Variants in TAFA1 observed in about 807,000 individuals in gnomAD.
TAFA1 encodes the protein chemokine-like protein TAFA-1.
In TAFA1, 4 loss-of-function variants were observed where a neutral mutation model predicts 18.5. That is an observed-to-expected ratio of 0.22 (90% CI 0.11 to 0.49). The LOEUF is 0.49. TAFA1 is among the 20% of genes least tolerant of loss of function. TAFA1 has a pLI of 0.98. For synonymous variants in TAFA1, 56 were observed against 55.2 expected, an observed-to-expected ratio of 1.01 and a Z score of -0.06; for missense variants, 147 against 169.0, an observed-to-expected ratio of 0.87 and a Z score of 0.72.
At chr3:68,214,246 T>A (rs1048628942) in intron 2 of TAFA1, among the ~76,000 whole-genome samples, 6 of 152,122 alleles carry the variant, frequency 3.9e-5, no homozygotes, top group Non-Finnish European at 8.8e-5. Context: ...ATCATAGAAT[T>A]CAGGCATTTC....
At chr3:68,074,640 A>G (rs975940581) in intron 2 of TAFA1, among the ~76,000 whole-genome samples, 2 of 152,184 alleles carry the variant, frequency 1.3e-5, no homozygotes, top group African/African-American at 4.8e-5. Flanking sequence ...TTGATTATTT[A>G]CCTCCATTTT....
chr3:68,062,529 CA>C (rs1158052477), intron 2 of TAFA1, among the ~76,000 whole-genome samples: 2 of 152,188 alleles, frequency 1.3e-5, no homozygotes, highest in East Asian at 3.9e-4. Context: ...ATGAATGAAA[CA>C]AAAAGCAGGT....
intron 2 of TAFA1, among the ~76,000 whole-genome samples, chr3:68,014,776 C>T (rs557851036): frequency 1.3e-5 from 2 of 152,236 alleles, no homozygotes; most frequent in East Asian, 3.9e-4. Flanking sequence ...GCAAAGCAAA[C>T]ACCATCATGG....
At chr3:68,086,971 C>T (rs767576689) in intron 2 of TAFA1, among the ~76,000 whole-genome samples, 1 of 152,208 alleles carries the variant, frequency 6.6e-6, no homozygotes, top group Non-Finnish European at 1.5e-5. Flanking sequence ...TTCAACAAGA[C>T]ACCCTGCAAA....
intron 2 of TAFA1, among the ~76,000 whole-genome samples, chr3:68,213,454 G>A (rs978057288): frequency 6.6e-6 from 1 of 152,060 alleles, no homozygotes; most frequent in African/African-American, 2.4e-5. Flanking sequence ...TTGGCTGTAT[G>A]TAGTTAAGAG....
chr3:68,432,004 A>G (rs2071184243), intron 3 of TAFA1, among the ~76,000 whole-genome samples: 1 of 151,972 alleles, frequency 6.6e-6, no homozygotes, highest in Admixed American at 6.6e-5. Context: ...TTTCTCATAC[A>G]ATGTCTGGAA....
chr3:68,434,714 G>A (rs1222056123), intron 3 of TAFA1, among the ~76,000 whole-genome samples: 1 of 152,006 alleles, frequency 6.6e-6, no homozygotes, highest in African/African-American at 2.4e-5. Flanking sequence ...ACTACAAATG[G>A]CTTTTCCAGC....
intron 2 of TAFA1, among the ~76,000 whole-genome samples, chr3:68,241,279 C>A (rs927601293): frequency 6.6e-6 from 1 of 152,058 alleles, no homozygotes; most frequent in Admixed American, 6.6e-5. Flanking sequence ...GTCTCTATTG[C>A]AGATTTAAAT....
rs148079255 is a variant in TAFA1 at position 68,402,142 on chromosome 3, G to C, written c.119-15138G>C. ...TAGCTCTGCAGTTTGAAATTAGTGA[G>C]CATGAGATTTCCAGAGAGGAGGATT... On this transcript the variant is annotated intron_variant, in intron 2 of 4. Transcript: ENST00000478136. Among the ~76,000 whole-genome samples, 363 of 152,246 alleles carry C rather than the reference G, an allele frequency of 2.4e-3. 3 individuals carry two copies. Among genetic ancestry groups the C allele is most frequent in the African/African-American group, 7.7e-3 (321 of 41,550 alleles).
chr3:67,999,076 A>G, the TAFA1 span, among the ~76,000 whole-genome samples: 6,986 of 152,256 alleles, frequency 0.046, 253 homozygotes, highest in East Asian at 0.1. Flanking sequence ...GTGCTGTCCA[A>G]TACAGTAGCT....
intron 2 of TAFA1, among the ~76,000 whole-genome samples, chr3:68,057,285 T>C (rs907590027): frequency 2.0e-5 from 3 of 152,204 alleles, no homozygotes; most frequent in Admixed American, 6.5e-5. Context: ...CCGAATCTCA[T>C]CACTTGAAAC....
chr3:68,528,506 C>G (rs569292281), intron 3 of TAFA1, among the ~76,000 whole-genome samples: 1 of 152,216 alleles, frequency 6.6e-6, no homozygotes, highest in Admixed American at 6.5e-5. Flanking sequence ...TTCCTGTTTG[C>G]TTTGATAAAG....
chr3:68,267,117 C>T (rs1329461453), intron 2 of TAFA1, among the ~76,000 whole-genome samples: 4 of 152,264 alleles, frequency 2.6e-5, no homozygotes, highest in Admixed American at 2.6e-4. Flanking sequence ...CAAGTTTATT[C>T]CGACTCATTT....
chr3:68,443,246 C>T (rs1473068787), intron 3 of TAFA1, among the ~76,000 whole-genome samples: 3 of 152,042 alleles, frequency 2.0e-5, no homozygotes, highest in African/African-American at 4.8e-5. Context: ...CTAAGAAGCA[C>T]AAGCACAGAA....
intron 3 of TAFA1, among the ~76,000 whole-genome samples, chr3:68,424,240 AC>A (rs527699400): frequency 2.6e-5 from 4 of 151,976 alleles, no homozygotes; most frequent in Non-Finnish European, 5.9e-5. Flanking sequence ...AAAGACTTCG[AC>A]CCAGGAAAAC....
rs758966848 is a variant in TAFA1 at position 68,123,878 on chromosome 3, CAAAAAAAAAAAAAAAAAAAAAAAAAAA to C, written c.118+117149_118+117175del. Among the ~76,000 whole-genome samples the C allele has an allele frequency of 3.6e-4, 26 of 72,146 alleles. 1 individual carries two copies. The highest frequency in any genetic ancestry group is 6.5e-4 in the East Asian group (1 of 1,548). The allele number at this position is 72,146 out of a possible 152,430, so 47.3% of individuals were successfully genotyped here. ...TGACAAAGAACAACACTTTTTTTTCCAAAAAAAAAAAAAAAAAAAAAAAAAAAAAAAAAAAAAAAAAGCTTTCTTTTG... is the reference window on the plus strand; with the variant it reads ...TGACAAAGAACAACACTTTTTTTTCCAAAAAAAAAAAAAAGCTTTCTTTTG... On this transcript the variant is annotated intron_variant, in intron 2 of 4. Coordinates refer to ENST00000478136, the MANE Select transcript of TAFA1 (RefSeq NM_213609.4).
intron 2 of TAFA1, among the ~76,000 whole-genome samples, chr3:68,219,461 AAC>A (rs1190895761): frequency 6.6e-6 from 1 of 152,094 alleles, no homozygotes; most frequent in Admixed American, 6.6e-5. Flanking sequence ...GTTGTGTATA[AAC>A]ACAGGTGTCT....
rs1704322205 is a variant in TAFA1 at position 68,004,400 on chromosome 3, G to C, written c.-306G>C. The C allele has an allele frequency of 6.6e-6, 1 of 152,066 alleles. No individual in the cohort carries two copies. The highest frequency in any genetic ancestry group is 1.5e-5 in the Non-Finnish European group (1 of 68,030). The allele number at this position is 152,066 out of a possible 1,614,324, so 9.4% of individuals were successfully genotyped here. A position where few individuals can be genotyped will look rare whatever the true frequency, so the allele number is the denominator to read the frequency against. ...CACATTATCTCCCCATCACTTCAAAGGTCTCGTCAGGCAGAGGTGACGCCA... is the reference window on the plus strand; with the variant it reads ...CACATTATCTCCCCATCACTTCAAACGTCTCGTCAGGCAGAGGTGACGCCA... On this transcript the variant is annotated 5_prime_UTR_variant, in exon 1 of 5. Coordinates refer to ENST00000478136, the MANE Select transcript of TAFA1 (RefSeq NM_213609.4).
chr3:68,406,173 G>T (rs562464457), intron 2 of TAFA1, among the ~76,000 whole-genome samples: 61 of 152,212 alleles, frequency 4.0e-4, no homozygotes, highest in Non-Finnish European at 8.8e-4. Flanking sequence ...TTTTATGTCA[G>T]TGTTTTATAT....
Sources: gnomAD v4.1 joint callset for allele counts (sites outside exome capture counted in the v4.1 genomes callset) on GRCh38, gnomAD v4.1.1 for gene constraint, MANE v1.5 for transcripts, NCBI Gene and HGNC (gene_info 2026-07-23, HGNC 2026-07-21) for gene names.